The following USP7 variants were observed in gnomAD, a reference collection of about 807,000 sequenced individuals.
The protein encoded by USP7 is ubiquitin specific peptidase 7, also known as ubiquitin C-terminal hydrolase 7.
Under a neutral mutation model 162.9 loss-of-function variants are expected in USP7, and 9 were observed. The observed-to-expected ratio is 0.06, with a 90% confidence interval of 0.03 to 0.10. The LOEUF (loss-of-function observed/expected upper bound fraction) is 0.10. USP7 is among the 10% of genes least tolerant of loss of function. USP7 has a pLI of 1.00. For missense variants in USP7, 715 were observed against 1,373.7 expected, an observed-to-expected ratio of 0.52 and a Z score of 7.58; for synonymous variants, 562 against 475.9, an observed-to-expected ratio of 1.18 and a Z score of -2.35.
At chr16:8,915,556 C>T (rs1027920362) in intron 8 of USP7, 31 bp from the exon 9 acceptor site, 2 of 1,587,020 alleles carry the variant, frequency 1.3e-6, no homozygotes, top group African/African-American at 2.7e-5. Context: ...TTTAAAAAAA[C>T]TTTTTTGTAC....
In USP7 at chr16:8,908,067, A is replaced by G. The variant is rs2061888480; in HGVS notation, c.1271+274T>C. On this transcript the variant is annotated intron_variant, in intron 12 of 30. Transcript: ENST00000344836. ...AGAGCTGTGAAGCAGAAACAGCCCCATCCTTGTGGACTTAAATCAGCCATA... is the reference window on the plus strand; with the variant it reads ...AGAGCTGTGAAGCAGAAACAGCCCCGTCCTTGTGGACTTAAATCAGCCATA... Among the ~76,000 whole-genome samples, 3 of 152,166 alleles carry G rather than the reference A, an allele frequency of 2.0e-5. No homozygotes were observed. In the South Asian group the frequency reaches 6.2e-4, roughly 32 times the overall value.
chr16:8,908,249 C>G, intron 12 of USP7, 92 bp downstream of exon 12: 2 of 1,029,994 alleles, frequency 1.9e-6, no homozygotes, highest in Non-Finnish European at 1.5e-6. Flanking sequence ...AGATGTGGGA[C>G]TGAAAATATA....
intron 8 of USP7, among the ~76,000 whole-genome samples, chr16:8,916,046 G>A (rs149112417): frequency 2.6e-5 from 4 of 152,314 alleles, no homozygotes; most frequent in African/African-American, 7.2e-5. Flanking sequence ...GGAAGAATGA[G>A]GATTTGCTAG....
chr16:8,945,315 T>G (rs1310323480), intron 1 of USP7, among the ~76,000 whole-genome samples: 1 of 151,896 alleles, frequency 6.6e-6, no homozygotes, highest in Non-Finnish European at 1.5e-5. Context: ...ACCTGGGAGG[T>G]GGAGGTTGCA....
rs2061612480 is a variant in USP7 at position 8,892,464 on chromosome 16, C to G, written c.*1534G>C. 6.6e-6 allele frequency: 1 copy of G among 152,248 alleles called. No homozygotes were observed. Among genetic ancestry groups the G allele is most frequent in the African/African-American group, 2.4e-5 (1 of 41,454 alleles). The allele number at this position is 152,248 out of a possible 1,614,324, so 9.4% of individuals were successfully genotyped here. On this transcript the variant is annotated 3_prime_UTR_variant, in exon 31 of 31. Transcript: ENST00000344836. The stretch of plus-strand genomic sequence containing the variant: ...GGAAGGCAAGGCCGATGGGACGGTG[C>G]AAGGACCACGCCCACGATAGCGCCT...
intron 10 of USP7, among the ~76,000 whole-genome samples, 176 bp downstream of exon 10, chr16:8,915,078 A>T (rs2062008215): frequency 6.6e-6 from 1 of 152,198 alleles, no homozygotes. Flanking sequence ...GTGCTGGCCA[A>T]CACCAGAGCT....
At chr16:8,900,495 G>A (rs768343533) in intron 21 of USP7, 35 bp downstream of exon 21, 3 of 1,478,206 alleles carry the variant, frequency 2.0e-6, no homozygotes, top group African/African-American at 2.8e-5. Flanking sequence ...CCTGAAATTA[G>A]TACAAAGTGA....
At chr16:8,907,329 C>T (rs2061876820) in intron 12 of USP7, among the ~76,000 whole-genome samples, 1 of 152,232 alleles carries the variant, frequency 6.6e-6, no homozygotes, top group Non-Finnish European at 1.5e-5. Context: ...TTTGTGGTTT[C>T]TGGCTGAGAC....
intron 1 of USP7, among the ~76,000 whole-genome samples, chr16:8,944,286 A>G (rs1899183473): frequency 6.6e-6 from 1 of 151,000 alleles, no homozygotes; most frequent in African/African-American, 2.4e-5. Context: ...CCCCCTTGGC[A>G]GCTGAGAGAG....
At chr16:8,936,621 T>C in intron 1 of USP7, 3 of 1,559,556 alleles carry the variant, frequency 1.9e-6, no homozygotes, top group Non-Finnish European at 2.6e-6. Flanking sequence ...CATCTCTGCA[T>C]GGCTCTGCAG....
intron 26 of USP7, 126 bp from the exon 27 acceptor site, chr16:8,895,867 C>G (rs908870068): frequency 2.9e-5 from 18 of 630,982 alleles, no homozygotes; most frequent in Non-Finnish European, 4.1e-5. Context: ...GAGACAGTCT[C>G]AATCTGTCGC....
At chr16:8,906,711 G>T in intron 12 of USP7, 129 bp from the exon 13 acceptor site, 1 of 894,786 alleles carries the variant, frequency 1.1e-6, no homozygotes, top group Non-Finnish European at 1.7e-6. Flanking sequence ...CCTTGGGAAG[G>T]CCTATGAAGT....
chr16:8,908,673 G>A (rs765049910), intron 11 of USP7, among the ~76,000 whole-genome samples: 2 of 152,226 alleles, frequency 1.3e-5, no homozygotes, highest in Admixed American at 6.5e-5. Flanking sequence ...CTGACTGTGA[G>A]AGATTCTCTT....
chr16:8,900,150 G>C (rs1312953954), intron 21 of USP7: 1 of 357,848 alleles, frequency 2.8e-6, no homozygotes, highest in African/African-American at 2.1e-5. Context: ...GCCACTTTCA[G>C]ACACTGAGTG....
chr16:8,910,031 C>T (rs982060932), intron 11 of USP7, among the ~76,000 whole-genome samples: 1 of 152,196 alleles, frequency 6.6e-6, no homozygotes, highest in Non-Finnish European at 1.5e-5. Context: ...AAAATGGGTA[C>T]ACAGGCACCA....
intron 1 of USP7, among the ~76,000 whole-genome samples, chr16:8,958,741 A>G (rs530482385): frequency 6.6e-6 from 1 of 152,354 alleles, no homozygotes; most frequent in East Asian, 1.9e-4. Context: ...GAATCATCAG[A>G]AGGCCACCAG....
At chr16:8,956,762 T>C (rs1487766091) in intron 1 of USP7, among the ~76,000 whole-genome samples, 2 of 135,658 alleles carry the variant, frequency 1.5e-5, no homozygotes, top group African/African-American at 2.7e-5. Flanking sequence ...GACTTCGTAT[T>C]AAAAAAACAA....
At chr16:8,906,951 G>C (rs538045486) in intron 12 of USP7, among the ~76,000 whole-genome samples, 10 of 152,332 alleles carry the variant, frequency 6.6e-5, no homozygotes, top group Non-Finnish European at 1.0e-4. Flanking sequence ...ATATTCTACA[G>C]ACATCCTGAA....
intron 2 of USP7, among the ~76,000 whole-genome samples, chr16:8,925,084 C>A (rs1371028733): frequency 6.6e-6 from 1 of 152,120 alleles, no homozygotes; most frequent in Non-Finnish European, 1.5e-5. Flanking sequence ...ATGCAATTCA[C>A]AGCTGATCAG....
Sources: allele counts gnomAD v4.1 joint callset (sites outside exome capture counted in the v4.1 genomes callset), GRCh38; gene constraint gnomAD v4.1.1; transcripts MANE v1.5; gene names NCBI Gene and HGNC (gene_info 2026-07-23, HGNC 2026-07-21).